The following CHL1 variants were observed in gnomAD, a reference collection of about 807,000 sequenced individuals.
CHL1 encodes neural cell adhesion molecule L1-like protein.
A neutral mutation model predicts 141.9 loss-of-function variants in CHL1; 96 were observed. The observed-to-expected ratio is 0.68, with a 90% CI of 0.57 to 0.80. The LOEUF is 0.80. Ranked by LOEUF, CHL1 falls within the 30% of genes least tolerant of loss-of-function variation. The pLI is 0.00. For missense variants in CHL1, 1,820 were observed against 1,457.2 expected (o/e 1.25, Z -4.05); for synonymous variants, 613 against 502.2 (o/e 1.22, Z -2.95).
At chr3:268,808 A>G (rs988331864) in intron 2 of CHL1, among the ~76,000 whole-genome samples, 30 of 152,216 alleles carry the variant, frequency 2.0e-4, no homozygotes, top group African/African-American at 7.2e-4. Flanking sequence ...TCCTGAGTTC[A>G]ATTATTAGGA....
chr3:281,489 T>A (rs939816916), intron 2 of CHL1, among the ~76,000 whole-genome samples: 21 of 152,124 alleles, frequency 1.4e-4, no homozygotes, highest in Admixed American at 4.6e-4. Context: ...GGTTCACCTC[T>A]GTCTTAAAGT....
At chr3:276,761 C>T (rs1163219387) in intron 2 of CHL1, among the ~76,000 whole-genome samples, 1 of 151,830 alleles carries the variant, frequency 6.6e-6, no homozygotes, top group Non-Finnish European at 1.5e-5. Flanking sequence ...TGCTGGCCGG[C>T]ACCTGTAGTC....
chr3:222,141 A>C (rs2124983667), intron 1 of CHL1, among the ~76,000 whole-genome samples: 1 of 152,350 alleles, frequency 6.6e-6, no homozygotes, highest in South Asian at 2.1e-4. Context: ...GGTAATAACC[A>C]AGTTCCTCAA....
intron 2 of CHL1, among the ~76,000 whole-genome samples, chr3:259,975 G>T (rs761546732): frequency 1.3e-5 from 2 of 152,084 alleles, no homozygotes; most frequent in Non-Finnish European, 2.9e-5. Context: ...GTAAATTTTT[G>T]AAATATCAGC....
At chr3:226,480 C>T (rs537515918) in intron 1 of CHL1, among the ~76,000 whole-genome samples, 98 of 149,858 alleles carry the variant, frequency 6.5e-4, no homozygotes, top group Non-Finnish European at 1.2e-3. Context: ...TTTGCTCTGT[C>T]GCCCAGGCTG....
At chr3:264,612 C>G (rs949101500) in intron 2 of CHL1, among the ~76,000 whole-genome samples, 18 of 152,184 alleles carry the variant, frequency 1.2e-4, no homozygotes, top group African/African-American at 4.3e-4. Context: ...CACTTCCTGT[C>G]TTTGACATAT....
chr3:385,827 C>G (rs1277705767), intron 19 of CHL1: 1 of 104,312 alleles, frequency 9.6e-6, no homozygotes, highest in African/African-American at 3.4e-5. Flanking sequence ...GACTCTGTCT[C>G]AAAAAAAAAA....
At chr3:314,793 C>A (rs553478932) in intron 2 of CHL1, among the ~76,000 whole-genome samples, 1 of 152,012 alleles carries the variant, frequency 6.6e-6, no homozygotes, top group Admixed American at 6.6e-5. Context: ...GAGGCCTAGA[C>A]TAGAATTCAT....
intron 2 of CHL1, among the ~76,000 whole-genome samples, chr3:306,810 A>C (rs1487254879): frequency 6.6e-6 from 1 of 152,196 alleles, no homozygotes; most frequent in African/African-American, 2.4e-5. Flanking sequence ...TCATCTCTGA[A>C]AGAATCTATT....
At chr3:252,618 A>G (rs944918457) in intron 2 of CHL1, among the ~76,000 whole-genome samples, 2 of 151,570 alleles carry the variant, frequency 1.3e-5, no homozygotes, top group African/African-American at 4.8e-5. Context: ...TAGATCTCAT[A>G]TCTCATATCT....
At position 404,482 on chromosome 3, in the gene CHL1, T is replaced by C. The variant is rs1709379338; in HGVS notation, c.3459-1013T>C. On this transcript the variant is annotated intron_variant, in intron 27 of 27. Transcript: ENST00000256509. Reference sequence around the variant, plus strand: ...TACTTAAAAAAATCTTGATCCAAAATTTAGAAGATCATACCATTTGATAAG... The same window carrying C: ...TACTTAAAAAAATCTTGATCCAAAACTTAGAAGATCATACCATTTGATAAG... Among the ~76,000 whole-genome samples the C allele has an allele frequency of 2.6e-5, 4 of 152,254 alleles. No homozygotes were observed. The South Asian group carries it at 8.3e-4, about 32-fold the overall frequency.
chr3:254,419 A>C (rs1693973134), intron 2 of CHL1, among the ~76,000 whole-genome samples: 1 of 152,184 alleles, frequency 6.6e-6, no homozygotes, highest in Admixed American at 6.5e-5. Flanking sequence ...ACCCACTGAA[A>C]CTGGGAGAAG....
At chr3:386,560 C>T (rs1707736598) in intron 19 of CHL1, among the ~76,000 whole-genome samples, 1 of 152,088 alleles carries the variant, frequency 6.6e-6, no homozygotes, top group African/African-American at 2.4e-5. Flanking sequence ...TGAGAGTTTC[C>T]ATTGTTCTTA....
At chr3:343,513 A>G (rs1204318926) in intron 8 of CHL1, among the ~76,000 whole-genome samples, 1 of 152,178 alleles carries the variant, frequency 6.6e-6, no homozygotes, top group African/African-American at 2.4e-5. Flanking sequence ...TTTCAAGTTC[A>G]TGTGTCTGCG....
chr3:299,118 A>G (rs1698476740), intron 2 of CHL1, among the ~76,000 whole-genome samples: 1 of 152,194 alleles, frequency 6.6e-6, no homozygotes, highest in Admixed American at 6.6e-5. Context: ...GAAATGAAAG[A>G]GAATTCCTGG....
At position 343,435 on chromosome 3, in the gene CHL1, G is replaced by T. The variant is rs142009876; in HGVS notation, c.727+404G>T. 4.6e-5 allele frequency among the ~76,000 whole-genome samples: 7 copies of T among 152,110 alleles called. No individual in the cohort carries two copies. In the South Asian group the frequency reaches 6.2e-4, roughly 13 times the overall value. On this transcript the variant is annotated intron_variant, in intron 8 of 27. Transcript: ENST00000256509. ...GTTAAGTGGATTTTTTTCTTGCAAG[G>T]CTTTTTGAAATATTTGACATGCAAC...
At chr3:271,393 T>C (rs1695623414) in intron 2 of CHL1, among the ~76,000 whole-genome samples, 1 of 152,184 alleles carries the variant, frequency 6.6e-6, no homozygotes, top group African/African-American at 2.4e-5. Context: ...GAGCTGTGAT[T>C]ACACCACTGC....
intron 1 of CHL1, among the ~76,000 whole-genome samples, chr3:203,135 A>G (rs1235570181): frequency 6.6e-6 from 1 of 152,236 alleles, no homozygotes; most frequent in Non-Finnish European, 1.5e-5. Flanking sequence ...GTGCAGTGTA[A>G]AGAAAAACAG....
intron 2 of CHL1, among the ~76,000 whole-genome samples, chr3:294,821 G>C (rs1277980403): frequency 1.3e-5 from 2 of 152,178 alleles, no homozygotes; most frequent in Non-Finnish European, 2.9e-5. Context: ...CTATTCACCA[G>C]TGAGAATGCA....
Sources: allele counts gnomAD v4.1 joint callset (sites outside exome capture counted in the v4.1 genomes callset), GRCh38; gene constraint gnomAD v4.1.1; transcripts MANE v1.5; gene names NCBI Gene and HGNC (gene_info 2026-07-23, HGNC 2026-07-21).